MAP7: variants seen among roughly 807,000 people sequenced by gnomAD.
MAP7 encodes the protein microtubule associated protein 7, also known as ensconsin.
In MAP7, 52 loss-of-function variants were observed where a neutral mutation model predicts 94.8. That is an observed-to-expected ratio of 0.55 (90% CI 0.44 to 0.69). The LOEUF (loss-of-function observed/expected upper bound fraction) is 0.69, where lower values mean the gene tolerates loss of function less well. Among genes scored for constraint, MAP7 ranks in the 30% least tolerant of loss-of-function variants. MAP7 has a pLI of 0.00. For missense variants in MAP7, 940 were observed against 964.6 expected (o/e 0.97, Z 0.34); for synonymous variants, 350 against 357.0 (o/e 0.98, Z 0.22).
At chr6:136,373,968 T>C (rs1312411297) in intron 7 of MAP7, among the ~76,000 whole-genome samples, 4 of 152,238 alleles carry the variant, frequency 2.6e-5, no homozygotes, top group Admixed American at 2.6e-4. Context: ...CTGCATGGTT[T>C]TGTTCTGCTT....
At chr6:136,349,518 T>C (rs1357415740) in intron 16 of MAP7, among the ~76,000 whole-genome samples, 1 of 152,098 alleles carries the variant, frequency 6.6e-6, no homozygotes, top group Non-Finnish European at 1.5e-5. Flanking sequence ...GGACTACAGA[T>C]GCATGCCACT....
chr6:136,423,987 G>A lies in MAP7; in HGVS notation c.68-2188C>T, dbSNP rs1340466925. Among the ~76,000 whole-genome samples the A allele has an allele frequency of 3.3e-5, 5 of 151,850 alleles. No homozygotes were observed. The South Asian group carries it at 6.2e-4, about 19-fold the overall frequency. On this transcript the variant is annotated intron_variant, in intron 1 of 17. Coordinates refer to ENST00000354570, the MANE Select transcript of MAP7 (RefSeq NM_003980.6). Reference sequence around the variant, plus strand: ...ATTTTTTTGTATTTTTAATAGAGACGGGGTTTCTCCATATTTGTCAGGCTG... The same window carrying A: ...ATTTTTTTGTATTTTTAATAGAGACAGGGTTTCTCCATATTTGTCAGGCTG...
intron 1 of MAP7, among the ~76,000 whole-genome samples, chr6:136,517,207 G>C (rs1220866199): frequency 6.6e-6 from 1 of 152,176 alleles, no homozygotes; most frequent in Non-Finnish European, 1.5e-5. Context: ...CTGGCAGCTA[G>C]GACTTCTGAT....
chr6:136,403,077 T>G (rs560179941), intron 3 of MAP7, among the ~76,000 whole-genome samples: 1 of 152,268 alleles, frequency 6.6e-6, no homozygotes, highest in East Asian at 1.9e-4. Flanking sequence ...GCCTTAACCC[T>G]AAGTACTTTC....
rs753529116 is a variant in MAP7, at chr6:136,360,736, A to G, written c.1764T>C (p.His588=). ...AERVRQEREK[H]FQREEQERLE... is the part of the protein sequence containing the mutation. ...GGCGCTCTTGCTCTTCTCTCTGGAA[A>G]TGCTTCTCTCGTTCCTGCCGGACCC... The change falls in exon 13 of 18, where the codon CAT becomes CAC. Residue 588 remains histidine, a synonymous_variant. Coordinates refer to ENST00000354570, the MANE Select transcript of MAP7 (RefSeq NM_003980.6). 6.2e-7 allele frequency: 1 copy of G among 1,614,124 alleles called. No homozygotes were observed. The highest frequency in any genetic ancestry group is 2.2e-5 in the East Asian group (1 of 44,876).
chr6:136,369,262 A>C (rs189599522), intron 8 of MAP7, among the ~76,000 whole-genome samples: 1 of 152,172 alleles, frequency 6.6e-6, no homozygotes. Context: ...ACTGTGTGGT[A>C]ATGGTATCAA....
rs185703454 is a variant in MAP7 at position 136,359,140 on chromosome 6, C to T, written c.1912+680G>A. ...GCTAATTTCACTTTTATTTTAAATA[C>T]ATTTGACTTATAATCTCCAAAAAAA... On this transcript the variant is annotated intron_variant, in intron 15 of 17. Coordinates refer to ENST00000354570, the MANE Select transcript of MAP7 (RefSeq NM_003980.6). 9.9e-3 allele frequency among the ~76,000 whole-genome samples: 1,499 copies of T among 152,104 alleles called. 12 individuals are homozygous for T. The highest frequency in any genetic ancestry group is 0.017 in the Middle Eastern group (5 of 294).
rs769104404 is a variant in MAP7 at position 136,360,047 on chromosome 6, A to G, written c.1804-16T>C. 2.1e-5 allele frequency: 34 copies of G among 1,603,856 alleles called. No individual in the cohort carries two copies. The highest frequency in any genetic ancestry group is 2.8e-5 in the Non-Finnish European group (33 of 1,175,470). ...CCTCAAGTCGCTATAGGAAAGGAAG[A>G]ATTGAGCAAGAAGATTAGACACAGA... is the stretch of plus-strand genomic sequence containing the variant. On this transcript the variant is annotated splice_polypyrimidine_tract_variant and intron_variant, in intron 13 of 17. Coordinates refer to ENST00000354570, the MANE Select transcript of MAP7 (RefSeq NM_003980.6).
rs1408084572 is a variant in MAP7, at chr6:136,365,924, G to A, written c.1084C>T (p.Arg362Trp). 1.1e-5 allele frequency: 18 copies of A among 1,613,996 alleles called. No homozygotes were observed. Among genetic ancestry groups the A allele is most frequent in the East Asian group, 4.5e-5 (2 of 44,884 alleles). Reference protein sequence around the residue: ...GSVKAAPAQVRPPSPGNIRPV... With the variant: ...GSVKAAPAQVWPPSPGNIRPV... ...CGGATGTTGCCGGGGGATGGGGGCC[G>A]GACCTGAGCAGGAGCAGCTTTGACT... is the stretch of plus-strand genomic sequence containing the variant. The change falls in exon 10 of 18, where the codon CGG (arginine) becomes TGG (tryptophan). Residue 362 changes from arginine to tryptophan, a missense_variant. Arg to Trp is a moderately radical substitution (Grantham distance 101). Coordinates refer to ENST00000354570, the MANE Select transcript of MAP7 (RefSeq NM_003980.6).
chr6:136,518,340 G>A (rs1825454682), intron 1 of MAP7, among the ~76,000 whole-genome samples: 1 of 152,168 alleles, frequency 6.6e-6, no homozygotes, highest in Non-Finnish European at 1.5e-5. Flanking sequence ...AAGATTATAT[G>A]AGAATTTCCT....
intron 1 of MAP7, among the ~76,000 whole-genome samples, chr6:136,479,889 A>G (rs1812181378): frequency 6.6e-6 from 1 of 152,196 alleles, no homozygotes. Context: ...GTTCATAAAT[A>G]TGAAAAATCA....
At chr6:136,358,595 A>G (rs1200397894) in intron 15 of MAP7, among the ~76,000 whole-genome samples, 1 of 152,206 alleles carries the variant, frequency 6.6e-6, no homozygotes, top group Non-Finnish European at 1.5e-5. Context: ...AATACCAATA[A>G]TACTTTACAT....
intron 1 of MAP7, among the ~76,000 whole-genome samples, chr6:136,508,289 G>A (rs1323350935): frequency 6.6e-6 from 1 of 151,754 alleles, no homozygotes; most frequent in Non-Finnish European, 1.5e-5. Context: ...TCACACGACT[G>A]CTCTCCAACC....
chr6:136,510,785 G>C (rs998638044), intron 1 of MAP7, among the ~76,000 whole-genome samples: 2 of 152,016 alleles, frequency 1.3e-5, no homozygotes, highest in Non-Finnish European at 2.9e-5. Context: ...TGTATCACAG[G>C]TATGTATAGA....
intron 2 of MAP7, among the ~76,000 whole-genome samples, chr6:136,413,006 C>T (rs1787977855): frequency 6.6e-6 from 1 of 151,874 alleles, no homozygotes; most frequent in South Asian, 2.1e-4. Context: ...TAAAAAAATA[C>T]AAAAAATTAA....
chr6:136,435,367 C>G (rs141513900), intron 1 of MAP7, among the ~76,000 whole-genome samples: 1 of 152,172 alleles, frequency 6.6e-6, no homozygotes, highest in African/African-American at 2.4e-5. Context: ...TCCTAGATAA[C>G]CAGTCCTGTT....
chr6:136,487,202 C>T (rs184154574), intron 1 of MAP7, among the ~76,000 whole-genome samples: 1 of 152,284 alleles, frequency 6.6e-6, no homozygotes, highest in African/African-American at 2.4e-5. Context: ...CCCATCTTAA[C>T]CATTGCAGAA....
intron 9 of MAP7, 48 bp downstream of exon 9, chr6:136,366,279 A>G: frequency 7.0e-7 from 1 of 1,420,720 alleles, no homozygotes; most frequent in East Asian, 2.3e-5. Flanking sequence ...GAGAGCTACT[A>G]ATTCTCTAAC....
At chr6:136,479,638 C>G (rs1812099881) in intron 1 of MAP7, among the ~76,000 whole-genome samples, 1 of 152,182 alleles carries the variant, frequency 6.6e-6, no homozygotes, top group Admixed American at 6.5e-5. Context: ...ACTATTATAA[C>G]TGATAAACAA....
Sources: allele counts gnomAD v4.1 joint callset (sites outside exome capture counted in the v4.1 genomes callset), GRCh38; gene constraint gnomAD v4.1.1; transcripts MANE v1.5; gene names NCBI Gene and HGNC (gene_info 2026-07-23, HGNC 2026-07-21).